Variants in RAB2A observed in about 807,000 individuals in gnomAD.
RAB2A encodes RAB2A, member RAS oncogene family.
Under a neutral mutation model 32.5 loss-of-function variants are expected in RAB2A, and 7 were observed. The observed-to-expected ratio is 0.22, with a 90% CI of 0.12 to 0.40. The LOEUF is 0.40. RAB2A is among the 10% of genes least tolerant of loss of function. RAB2A has a pLI of 1.00. For missense variants in RAB2A, 108 were observed against 260.7 expected (o/e 0.41, Z 4.03); for synonymous variants, 79 against 85.2 (o/e 0.93, Z 0.40).
intron 6 of RAB2A, among the ~76,000 whole-genome samples, chr8:60,607,419 A>G (rs192151715): frequency 8.6e-6 from 1 of 116,508 alleles, no homozygotes; most frequent in East Asian, 2.5e-4. Context: ...ACAGAGCGAG[A>G]CTCCATCTCA....
chr8:60,609,782 A>G (rs776238172), intron 6 of RAB2A, among the ~76,000 whole-genome samples: 5 of 152,042 alleles, frequency 3.3e-5, no homozygotes, highest in African/African-American at 4.8e-5. Flanking sequence ...CCTGGCCCGC[A>G]TGGCAAAACC....
At chr8:60,587,096 G>A (rs762686512) in intron 5 of RAB2A, among the ~76,000 whole-genome samples, 1 of 152,066 alleles carries the variant, frequency 6.6e-6, no homozygotes, top group Non-Finnish European at 1.5e-5. Context: ...ATATTGGAGA[G>A]AATTTACTAT....
intron 6 of RAB2A, among the ~76,000 whole-genome samples, chr8:60,606,712 A>T (rs966959179): frequency 3.9e-5 from 6 of 152,230 alleles, no homozygotes; most frequent in Non-Finnish European, 8.8e-5. Flanking sequence ...GAAAATCTGG[A>T]TTAAGTAAAA....
chr8:60,605,470 C>T (rs562018108), intron 6 of RAB2A, among the ~76,000 whole-genome samples: 10 of 152,178 alleles, frequency 6.6e-5, no homozygotes, highest in Non-Finnish European at 1.3e-4. Context: ...ATGGTAGATA[C>T]ACCAACAGTT....
At chr8:60,544,653 C>T (rs1807700941) in intron 1 of RAB2A, among the ~76,000 whole-genome samples, 1 of 150,608 alleles carries the variant, frequency 6.6e-6, no homozygotes, top group Non-Finnish European at 1.5e-5. Context: ...ACCTCCACCT[C>T]CCAAAGTGCT....
rs1804560446 is a variant in RAB2A, at chr8:60,623,374, C to G, written c.*2605C>G. On this transcript the variant is annotated 3_prime_UTR_variant, in exon 8 of 8. Coordinates refer to ENST00000262646, the MANE Select transcript of RAB2A (RefSeq NM_002865.3). ...TTCCAATCACTCAGAAAAACTGATT[C>G]ATGTCTGGCTTTGCAACACCTTAAA... 1 of 152,166 alleles carries G rather than the reference C, an allele frequency of 6.6e-6. No individual in the cohort carries two copies. Among genetic ancestry groups the G allele is most frequent in the African/African-American group, 2.4e-5 (1 of 41,426 alleles). 9.4% of individuals were successfully genotyped at this position (152,166 alleles called of 1,614,324 possible).
intron 1 of RAB2A, among the ~76,000 whole-genome samples, chr8:60,542,479 G>A (rs1807661768): frequency 6.6e-6 from 1 of 151,762 alleles, no homozygotes; most frequent in South Asian, 2.1e-4. Flanking sequence ...TCGCGCCACT[G>A]TACTCCTGCC....
At chr8:60,615,694 T>G (rs956079839) in intron 6 of RAB2A, among the ~76,000 whole-genome samples, 2 of 152,174 alleles carry the variant, frequency 1.3e-5, no homozygotes, top group African/African-American at 2.4e-5. Flanking sequence ...TTACTAGTAT[T>G]TGGTTAATGT....
chr8:60,620,878 C>T lies in RAB2A; in HGVS notation c.*109C>T. On this transcript the variant is annotated 3_prime_UTR_variant, in exon 8 of 8. Transcript: ENST00000262646. ...AACTATTTGAAATGGCTTTATGTCA[C>T]AGAAGACTTTAATCCGTCAAATTCT... 1.2e-6 allele frequency: 1 copy of T among 853,302 alleles called. No individual in the cohort carries two copies. Among genetic ancestry groups the T allele is most frequent in the Non-Finnish European group, 1.8e-6 (1 of 569,520 alleles). 52.9% of individuals were successfully genotyped at this position (853,302 alleles called of 1,614,324 possible).
At chr8:60,615,430 T>G (rs1804432761) in intron 6 of RAB2A, among the ~76,000 whole-genome samples, 1 of 152,210 alleles carries the variant, frequency 6.6e-6, no homozygotes, top group African/African-American at 2.4e-5. Flanking sequence ...AATGTATTTT[T>G]GTACATTATA....
chr8:60,561,243 C>T (rs906121260), intron 2 of RAB2A, among the ~76,000 whole-genome samples: 1 of 152,180 alleles, frequency 6.6e-6, no homozygotes, highest in African/African-American at 2.4e-5. Flanking sequence ...ACATTAAATT[C>T]CCTATGCCCT....
At chr8:60,525,943 CTATA>C (rs997833765) in intron 1 of RAB2A, among the ~76,000 whole-genome samples, 49 of 131,346 alleles carry the variant, frequency 3.7e-4, no homozygotes, top group African/African-American at 1.2e-3. Context: ...ATATATATGT[CTATA>C]TATGTATATA....
chr8:60,575,495 C>T (rs576279391), intron 3 of RAB2A, among the ~76,000 whole-genome samples: 2 of 152,140 alleles, frequency 1.3e-5, no homozygotes, highest in South Asian at 2.1e-4. Context: ...TTTGGATAGC[C>T]GGTTGCATTT....
At chr8:60,588,115 T>C (rs1286078729) in intron 5 of RAB2A, among the ~76,000 whole-genome samples, 2 of 151,980 alleles carry the variant, frequency 1.3e-5, no homozygotes, top group Non-Finnish European at 2.9e-5. Context: ...TATACAAAAA[T>C]AAGAAATTTT....
chr8:60,544,878 T>C (rs972913037), intron 1 of RAB2A, among the ~76,000 whole-genome samples: 1 of 152,144 alleles, frequency 6.6e-6, no homozygotes, highest in African/African-American at 2.4e-5. Context: ...TTCACGGTTT[T>C]TCAGTTTGTA....
At chr8:60,524,196 C>T (rs545814379) in intron 1 of RAB2A, among the ~76,000 whole-genome samples, 2 of 152,168 alleles carry the variant, frequency 1.3e-5, no homozygotes, top group South Asian at 4.1e-4. Flanking sequence ...CTGTCCCATG[C>T]CATTCCTGTC....
At chr8:60,555,202 T>A (rs1198647450) in intron 1 of RAB2A, among the ~76,000 whole-genome samples, 1 of 152,118 alleles carries the variant, frequency 6.6e-6, no homozygotes, top group African/African-American at 2.4e-5. Flanking sequence ...TATAGAAAAA[T>A]CAGCTCAAAG....
chr8:60,595,637 G>A (rs974559583), intron 6 of RAB2A, among the ~76,000 whole-genome samples: 1 of 152,172 alleles, frequency 6.6e-6, no homozygotes, highest in Non-Finnish European at 1.5e-5. Flanking sequence ...AATTATCAGA[G>A]TGGGACATTA....
At chr8:60,575,767 C>G (rs1178688512) in intron 3 of RAB2A, among the ~76,000 whole-genome samples, 1 of 149,420 alleles carries the variant, frequency 6.7e-6, no homozygotes, top group Non-Finnish European at 1.5e-5. Context: ...AAGCGATTCT[C>G]TTGCCTCAGC....
Sources: gnomAD v4.1 joint callset for allele counts (sites outside exome capture counted in the v4.1 genomes callset) on GRCh38, gnomAD v4.1.1 for gene constraint, MANE v1.5 for transcripts, NCBI Gene and HGNC (gene_info 2026-07-23, HGNC 2026-07-21) for gene names.